The following DNAH6 variants were observed in gnomAD, a reference collection of about 807,000 sequenced individuals.
The protein encoded by DNAH6 is dynein axonemal heavy chain 6.
In DNAH6, 340 loss-of-function variants were observed where a neutral mutation model predicts 491.4. The observed-to-expected ratio is 0.69, with a 90% CI of 0.63 to 0.76. The LOEUF (loss-of-function observed/expected upper bound fraction) is 0.76, where lower values mean the gene tolerates loss of function less well. DNAH6 is among the 30% of genes least tolerant of loss of function. The pLI is 0.00. For synonymous variants in DNAH6, 1,603 were observed against 1,686.1 expected, an observed-to-expected ratio of 0.95 and a Z score of 1.21; for missense variants, 4,443 against 4,972.2, an observed-to-expected ratio of 0.89 and a Z score of 3.20.
intron 76 of DNAH6, among the ~76,000 whole-genome samples, chr2:84,817,809 A>G (rs1680636820): frequency 6.6e-6 from 1 of 152,174 alleles, no homozygotes; most frequent in Non-Finnish European, 1.5e-5. Flanking sequence ...CCATGGCAAG[A>G]GAGGAAGTAG....
At chr2:84,708,255 CTG>C (rs1056120653) in intron 54 of DNAH6, among the ~76,000 whole-genome samples, 14 of 151,470 alleles carry the variant, frequency 9.2e-5, no homozygotes, top group African/African-American at 3.4e-4. Flanking sequence ...CTGGCCAACA[CTG>C]TGAAACCTCG....
At chr2:84,714,152 C>T (rs1697312327) in intron 57 of DNAH6, among the ~76,000 whole-genome samples, 1 of 152,146 alleles carries the variant, frequency 6.6e-6, no homozygotes, top group Non-Finnish European at 1.5e-5. Flanking sequence ...GGAACTTGAC[C>T]TCAAGAACTT....
intron 64 of DNAH6, among the ~76,000 whole-genome samples, chr2:84,769,269 C>T (rs1427491): frequency 0.025 from 3,882 of 152,310 alleles, 134 homozygotes; most frequent in African/African-American, 0.084. Context: ...CCATATTTTA[C>T]GTGCCTATGG....
intron 4 of DNAH6, among the ~76,000 whole-genome samples, chr2:84,530,074 T>A (rs918237597): frequency 6.6e-6 from 1 of 152,228 alleles, no homozygotes; most frequent in Non-Finnish European, 1.5e-5. Context: ...CAAAATTTAT[T>A]GAGCATGATC....
chr2:84,782,631 G>A (rs1676800676), intron 65 of DNAH6, among the ~76,000 whole-genome samples: 1 of 152,066 alleles, frequency 6.6e-6, no homozygotes, highest in Non-Finnish European at 1.5e-5. Flanking sequence ...CAAAGGTAAG[G>A]ACTCATTTTT....
chr2:84,705,056 A>T (rs1248427026), intron 51 of DNAH6, among the ~76,000 whole-genome samples: 1 of 152,202 alleles, frequency 6.6e-6, no homozygotes, highest in Non-Finnish European at 1.5e-5. Flanking sequence ...TTTTCATGGT[A>T]GGAAGATCAA....
intron 68 of DNAH6, among the ~76,000 whole-genome samples, chr2:84,789,669 T>C (rs1182625480): frequency 6.6e-6 from 1 of 152,214 alleles, no homozygotes; most frequent in Non-Finnish European, 1.5e-5. Context: ...CTGCTTATTA[T>C]GAGAGTATTT....
chr2:84,686,230 T>G (rs1431586458), intron 43 of DNAH6, among the ~76,000 whole-genome samples: 1 of 152,196 alleles, frequency 6.6e-6, no homozygotes, highest in African/African-American at 2.4e-5. Context: ...TACTTCTTAT[T>G]TCTTAAATAA....
At chr2:84,484,664 A>G in the DNAH6 span, among the ~76,000 whole-genome samples, 1 of 152,178 alleles carries the variant, frequency 6.6e-6, no homozygotes, top group Non-Finnish European at 1.5e-5. Flanking sequence ...ACAGCTGGGA[A>G]AGGTCCTCCA....
Position 84,624,913 on chromosome 2 carries a change from T to C in DNAH6, c.4365T>C (p.Tyr1455=). The C allele has an allele frequency of 6.5e-7, 1 of 1,549,692 alleles. No individual in the cohort carries two copies. The highest frequency in any genetic ancestry group is 8.7e-7 in the Non-Finnish European group (1 of 1,146,212). ...ATTGCTTTCTTCAGGATCGCTGCTA[T>C]CTTTGCCTCATGGGAGCTTTGCAGC... The part of the protein sequence containing the change: ...LVITPLTDRC[Y]LCLMGALQLD... The change falls in exon 29 of 77, where the codon TAT becomes TAC. Residue 1455 remains tyrosine, a synonymous_variant. Transcript: ENST00000389394.
At chr2:84,624,716 TTATTATGAATACATCTTTGTAAAGCAAA>T (rs1347089508) in intron 28 of DNAH6, 96 bp downstream of exon 28, 2 of 1,357,776 alleles carry the variant, frequency 1.5e-6, no homozygotes, top group Admixed American at 2.5e-5. Context: ...TTGAAAGAAT[TTATTATGAATACATCTTTGTAAAGCAAA>T]TATTTGCATT....
intron 58 of DNAH6, among the ~76,000 whole-genome samples, chr2:84,717,371 A>G (rs557610676): frequency 1.2e-4 from 19 of 152,332 alleles, no homozygotes; most frequent in African/African-American, 4.6e-4. Flanking sequence ...AGGTGTCTGA[A>G]TTCAGCATGT....
intron 64 of DNAH6, among the ~76,000 whole-genome samples, chr2:84,781,112 T>G (rs1676647970): frequency 6.6e-6 from 1 of 152,206 alleles, no homozygotes; most frequent in South Asian, 2.1e-4. Context: ...ATTTTTTAAG[T>G]GTTTAAAAAC....
At chr2:84,626,755 C>A (rs1687902504) in intron 29 of DNAH6, among the ~76,000 whole-genome samples, 1 of 152,204 alleles carries the variant, frequency 6.6e-6, no homozygotes, top group Non-Finnish European at 1.5e-5. Flanking sequence ...GTGCCCACCA[C>A]CACACCCGGC....
At chr2:84,494,142 T>C in the DNAH6 span, among the ~76,000 whole-genome samples, 130,658 of 152,084 alleles carry the variant, frequency 0.86, 57,190 homozygotes, top group East Asian at 0.99. Flanking sequence ...AGAAGGGGAT[T>C]GGGGACAAGA....
intron 37 of DNAH6, among the ~76,000 whole-genome samples, chr2:84,662,468 C>G (rs1691613991): frequency 6.6e-6 from 1 of 152,200 alleles, no homozygotes; most frequent in Admixed American, 6.5e-5. Context: ...CTGCACATGG[C>G]TCAGAGGGTC....
At chr2:84,661,328 C>G (rs1161478756) in intron 37 of DNAH6, among the ~76,000 whole-genome samples, 1 of 151,912 alleles carries the variant, frequency 6.6e-6, no homozygotes, top group African/African-American at 2.4e-5. Flanking sequence ...ATTGGAGAGT[C>G]TAGCCAGTGC....
At chr2:84,660,317 C>T (rs1224610691) in intron 37 of DNAH6, among the ~76,000 whole-genome samples, 1 of 152,034 alleles carries the variant, frequency 6.6e-6, no homozygotes, top group Non-Finnish European at 1.5e-5. Flanking sequence ...TAGATTTAAG[C>T]ATCAAAATCA....
chr2:84,736,583 T>G (rs1453529983), intron 62 of DNAH6, among the ~76,000 whole-genome samples: 1 of 152,136 alleles, frequency 6.6e-6, no homozygotes, highest in East Asian at 1.9e-4. Context: ...TTCCTCAATA[T>G]TTTTGTGGCT....
Sources: allele counts gnomAD v4.1 joint callset (sites outside exome capture counted in the v4.1 genomes callset), GRCh38; gene constraint gnomAD v4.1.1; transcripts MANE v1.5; gene names NCBI Gene and HGNC (gene_info 2026-07-23, HGNC 2026-07-21).